CACNG2: variants seen among roughly 807,000 people sequenced by gnomAD.
The protein encoded by CACNG2 is voltage-dependent calcium channel gamma-2 subunit.
A neutral mutation model predicts 25.9 loss-of-function variants in CACNG2; 3 were observed. The ratio of observed to expected loss-of-function variants is 0.12; its 90% CI spans 0.05 to 0.30. The LOEUF is 0.30. Among genes scored for constraint, CACNG2 ranks in the 10% least tolerant of loss-of-function variants. The pLI is 1.00. For synonymous variants in CACNG2, 167 were observed against 173.3 expected (o/e 0.96, Z 0.29); for missense variants, 341 against 432.5 (o/e 0.79, Z 1.88).
chr22:36,652,745 T>C (rs891668861), intron 1 of CACNG2, among the ~76,000 whole-genome samples: 2 of 152,066 alleles, frequency 1.3e-5, no homozygotes, highest in Non-Finnish European at 2.9e-5. Flanking sequence ...ACCAAGCACA[T>C]AACAGGTGCT....
intron 1 of CACNG2, among the ~76,000 whole-genome samples, chr22:36,658,370 G>A (rs1454195681): frequency 6.6e-6 from 1 of 152,236 alleles, no homozygotes; most frequent in African/African-American, 2.4e-5. Context: ...GGCAGGTAGT[G>A]ACAGGCATCA....
chr22:36,580,436 GT>G (rs1179154303), intron 2 of CACNG2, among the ~76,000 whole-genome samples: 1 of 152,162 alleles, frequency 6.6e-6, no homozygotes. Flanking sequence ...TCTTGTGTGT[GT>G]TGTGGGGAGC....
Position 36,606,861 on chromosome 22 carries a change from G to A in CACNG2, c.212-19313C>T, listed in dbSNP as rs1211588813. ...TCTGTGTGTGTGTATGTATGTGTAC[G>A]TGTGTATGTCTGTGTGTGAGTCTGT... On this transcript the variant is annotated intron_variant, in intron 1 of 3. Coordinates refer to ENST00000300105, the MANE Select transcript of CACNG2 (RefSeq NM_006078.5). This position sits in a 1 kb window ranked among gnomAD's most constrained non-coding sequence, Gnocchi z 5.7. Among the ~76,000 whole-genome samples the A allele has an allele frequency of 6.0e-5, 9 of 150,816 alleles. No individual in the cohort carries two copies. Among genetic ancestry groups the A allele is most frequent in the African/African-American group, 2.0e-4 (8 of 40,704 alleles).
At chr22:36,608,316 C>A (rs990736331) in intron 1 of CACNG2, among the ~76,000 whole-genome samples, 2 of 152,180 alleles carry the variant, frequency 1.3e-5, no homozygotes, top group African/African-American at 2.4e-5. Flanking sequence ...CCTCTAAGAT[C>A]ACTCAGCTGG....
intron 1 of CACNG2, among the ~76,000 whole-genome samples, chr22:36,601,738 C>T (rs1403003938): frequency 6.6e-6 from 1 of 152,158 alleles, no homozygotes; most frequent in South Asian, 2.1e-4. Flanking sequence ...GCGCCTCGGC[C>T]TCCTGAAGGG....
In CACNG2 at chr22:36,627,165, TCCCATCTAGGAC is replaced by T. The variant is rs559212791; in HGVS notation, c.212-39629_212-39618del. On this transcript the variant is annotated intron_variant, in intron 1 of 3. Transcript: ENST00000300105. ...GATGAAAGCCCCCCACTCCCTCCCC[TCCCATCTAGGAC>T]CCCATCTAGGACCTGGGGGAAGGAG... is the stretch of plus-strand genomic sequence containing the variant. Among the ~76,000 whole-genome samples the T allele has an allele frequency of 7.5e-3, 1,118 of 148,448 alleles. 11 individuals are homozygous for T. The highest frequency in any genetic ancestry group is 0.027 in the African/African-American group (1,081 of 40,062).
At chr22:36,612,452 A>G (rs188162699) in intron 1 of CACNG2, among the ~76,000 whole-genome samples, 80 of 152,318 alleles carry the variant, frequency 5.3e-4, no homozygotes, top group Non-Finnish European at 8.8e-4. Context: ...CTCTGCCTGG[A>G]GTAAAAGACT....
chr22:36,623,379 G>A (rs901894122), intron 1 of CACNG2, among the ~76,000 whole-genome samples: 4 of 152,214 alleles, frequency 2.6e-5, no homozygotes, highest in Middle Eastern at 6.8e-3. Context: ...GTGTGATGAG[G>A]GAAGGTTGCA....
At chr22:36,612,420 C>A (rs755245147) in intron 1 of CACNG2, among the ~76,000 whole-genome samples, 2 of 152,204 alleles carry the variant, frequency 1.3e-5, no homozygotes, top group Non-Finnish European at 2.9e-5. Context: ...TTGACTACAA[C>A]CACATTGAGA....
intron 1 of CACNG2, among the ~76,000 whole-genome samples, chr22:36,644,824 T>A (rs1936494896): frequency 6.6e-6 from 1 of 152,204 alleles, no homozygotes; most frequent in African/African-American, 2.4e-5. Flanking sequence ...TTGTTTTTGT[T>A]TTTTTAAAGT....
intron 1 of CACNG2, among the ~76,000 whole-genome samples, chr22:36,621,113 G>T (rs916019210): frequency 4.6e-5 from 7 of 152,200 alleles, no homozygotes; most frequent in Admixed American, 6.5e-5. Flanking sequence ...ATGTCTAATG[G>T]ATCTCTTATA....
chr22:36,681,390 C>T (rs1032417621), intron 1 of CACNG2, among the ~76,000 whole-genome samples: 4 of 152,194 alleles, frequency 2.6e-5, no homozygotes, highest in Admixed American at 6.5e-5. Context: ...TATTCAGAGT[C>T]GAAAGTTTTT....
At chr22:36,662,003 G>T (rs1381604360) in intron 1 of CACNG2, among the ~76,000 whole-genome samples, 2 of 105,906 alleles carry the variant, frequency 1.9e-5, no homozygotes, top group African/African-American at 7.3e-5. Context: ...TTTTTCAGAC[G>T]GAGTCTCCCT....
At chr22:36,619,755 A>G (rs1053941669) in intron 1 of CACNG2, among the ~76,000 whole-genome samples, 8 of 152,240 alleles carry the variant, frequency 5.3e-5, no homozygotes, top group Admixed American at 3.9e-4. Flanking sequence ...TGAAAGTGCT[A>G]TTCTACGAGT....
intron 1 of CACNG2, among the ~76,000 whole-genome samples, chr22:36,593,812 C>T (rs1158301426): frequency 1.3e-5 from 2 of 151,786 alleles, no homozygotes; most frequent in Non-Finnish European, 2.9e-5. Context: ...AGCACAGGGT[C>T]TCCAGGAGCA....
At chr22:36,607,896 C>G (rs1209550313) in intron 1 of CACNG2, among the ~76,000 whole-genome samples, 1 of 152,238 alleles carries the variant, frequency 6.6e-6, no homozygotes, top group Non-Finnish European at 1.5e-5. Context: ...AAACAACACC[C>G]ATTTCACTCT....
intron 2 of CACNG2, among the ~76,000 whole-genome samples, chr22:36,582,913 AGATCT>A (rs1164360000): frequency 6.6e-6 from 1 of 152,058 alleles, no homozygotes; most frequent in Non-Finnish European, 1.5e-5. Flanking sequence ...CACTCCAGAA[AGATCT>A]GTGGAGTGTG....
chr22:36,600,231 A>G (rs1187149895), intron 1 of CACNG2, among the ~76,000 whole-genome samples: 2 of 152,148 alleles, frequency 1.3e-5, no homozygotes, highest in Non-Finnish European at 2.9e-5. Flanking sequence ...GAAATAAACT[A>G]TCAACTATCT....
intron 1 of CACNG2, among the ~76,000 whole-genome samples, chr22:36,688,202 C>G (rs1937225241): frequency 6.6e-6 from 1 of 152,128 alleles, no homozygotes; most frequent in African/African-American, 2.4e-5. Flanking sequence ...GAAAATCACT[C>G]TTTCTTCTTA....
Sources: allele counts gnomAD v4.1 joint callset (sites outside exome capture counted in the v4.1 genomes callset), GRCh38; gene constraint gnomAD v4.1.1; non-coding constraint Gnocchi (gnomAD v3.1); transcripts MANE v1.5; gene names NCBI Gene and HGNC (gene_info 2026-07-23, HGNC 2026-07-21).